Variants in GNAI2 observed in about 807,000 individuals in gnomAD.
GNAI2 encodes G protein subunit alpha i2.
In GNAI2, 4 loss-of-function variants were observed where a neutral mutation model predicts 36.8. That is an observed-to-expected ratio of 0.11 (90% confidence interval 0.05 to 0.25). The LOEUF (loss-of-function observed/expected upper bound fraction) is 0.25, where lower values mean the gene tolerates loss of function less well. Among genes scored for constraint, GNAI2 ranks in the 10% least tolerant of loss-of-function variants. The probability of loss-of-function intolerance (pLI) is 1.00; values close to 1 mark genes in which losing one functional copy is unlikely to be tolerated. For synonymous variants in GNAI2, 194 were observed against 194.1 expected (o/e 1.00, Z 0.01); for missense variants, 230 against 481.3 (o/e 0.48, Z 4.89).
chr3:50,233,039 G>A (rs1021862163), upstream of GNAI2, among the ~76,000 whole-genome samples: 4 of 151,886 alleles, frequency 2.6e-5, no homozygotes, highest in Non-Finnish European at 5.9e-5. Flanking sequence ...AAGAAGTCAG[G>A]CTGGAGAGGA....
upstream of GNAI2, chr3:50,236,023 C>G (rs186467474): frequency 0.043 from 10,169 of 236,888 alleles, 258 homozygotes; most frequent in Non-Finnish European, 0.055. This position sits in a 1 kb window ranked among gnomAD's most constrained non-coding sequence, Gnocchi z 4.0. Context: ...CAGCCCAGGC[C>G]CGAGCCTGGG....
chr3:50,252,134 G>A lies in GNAI2; in HGVS notation c.153G>A (p.Lys51=). ...AGESGKSTIV[K]QMKIIHEDGY... Reference sequence around the variant, plus strand: ...AGTCAGGGAAGAGCACCATCGTCAAGCAGATGAAGTAAGTGCTGTATTCCA... The same window carrying A: ...AGTCAGGGAAGAGCACCATCGTCAAACAGATGAAGTAAGTGCTGTATTCCA... Residue 51 remains lysine (K), a synonymous_variant, in exon 2 of 9, where the codon AAG becomes AAA. Transcript: ENST00000313601. The surrounding 1 kb of genome is among the most constrained non-coding windows in gnomAD (Gnocchi z 4.1). 1 of 1,613,876 alleles carries A rather than the reference G, an allele frequency of 6.2e-7. No individual in the cohort carries two copies. Among genetic ancestry groups the A allele is most frequent in the Non-Finnish European group, 8.5e-7 (1 of 1,179,854 alleles).
At chr3:50,233,075 G>C (rs1553699954), upstream of GNAI2, among the ~76,000 whole-genome samples, 1 of 151,974 alleles carries the variant, frequency 6.6e-6, no homozygotes, top group Admixed American at 6.6e-5. Context: ...AGCCCCCAGA[G>C]TGGGAGGTGT....
chr3:50,230,405 G>A (rs9883222), upstream of GNAI2: 32,190 of 152,252 alleles, frequency 0.21, 6,970 homozygotes, highest in East Asian at 0.6. Context: ...TCTGGGAGCC[G>A]TGGAGGTAGG....
At position 50,236,789 on chromosome 3, in the gene GNAI2, A is replaced by C. The variant is rs1372615044; in HGVS notation, c.118+336A>C. The stretch of plus-strand genomic sequence containing the variant: ...CGCCATCCTTCCCTACACTTTGCCC[A>C]AACCCCCAGGATGCCCGCCACTTGT... On this transcript the variant is annotated intron_variant, in intron 1 of 8. Transcript: ENST00000313601. This position sits in a 1 kb window ranked among gnomAD's most constrained non-coding sequence, Gnocchi z 4.0. 6.6e-6 allele frequency among the ~76,000 whole-genome samples: 1 copy of C among 151,906 alleles called. No homozygotes were observed. Among genetic ancestry groups the C allele is most frequent in the Non-Finnish European group, 1.5e-5 (1 of 67,970 alleles).
upstream of GNAI2, chr3:50,230,737 T>C (rs1427564098): frequency 1.1e-6 from 1 of 891,238 alleles, no homozygotes; most frequent in African/African-American, 1.8e-5. Flanking sequence ...CCCTCAACTC[T>C]GCTGATGTCA....
At chr3:50,229,107 C>T (rs747815412), upstream of GNAI2, 4 of 152,190 alleles carry the variant, frequency 2.6e-5, no homozygotes, top group African/African-American at 4.8e-5. Flanking sequence ...ACAGCCCTAA[C>T]GAGTCACGGG....
At position 50,236,868 on chromosome 3, in the gene GNAI2, T is replaced by C. The variant is rs1328131343; in HGVS notation, c.118+415T>C. Among the ~76,000 whole-genome samples, 12 of 152,150 alleles carry C rather than the reference T, an allele frequency of 7.9e-5. No individual in the cohort carries two copies. In the East Asian group the frequency reaches 2.3e-3, roughly 29 times the overall value. On this transcript the variant is annotated intron_variant, in intron 1 of 8. Transcript: ENST00000313601. The surrounding 1 kb of genome is among the most constrained non-coding windows in gnomAD (Gnocchi z 4.0). Reference sequence around the variant, plus strand: ...CCTCACCTGCGCCTTTTATTCCTATTGGGCATGAGCATCCCGCGGGGCCCC... The same window carrying C: ...CCTCACCTGCGCCTTTTATTCCTATCGGGCATGAGCATCCCGCGGGGCCCC...
intron 1 of GNAI2, among the ~76,000 whole-genome samples, chr3:50,248,714 T>C (rs1351096070): frequency 6.6e-6 from 1 of 152,176 alleles, no homozygotes; most frequent in Non-Finnish European, 1.5e-5. Context: ...GACCTTGATT[T>C]GCTTACCTGT....
intron 7 of GNAI2, 150 bp downstream of exon 7, chr3:50,257,240 A>G: frequency 1.5e-6 from 1 of 685,692 alleles, no homozygotes; most frequent in Non-Finnish European, 2.5e-6. Flanking sequence ...AGGCTTGTAT[A>G]GTTGTGTGTG....
Position 50,247,731 on chromosome 3 carries a change from G to A in GNAI2, c.119-4369G>A, listed in dbSNP as rs782731796. Among the ~76,000 whole-genome samples the A allele has an allele frequency of 4.6e-5, 7 of 152,368 alleles. No homozygotes were observed. In the East Asian group the frequency reaches 5.8e-4, roughly 13 times the overall value. Reference sequence around the variant, plus strand: ...CCTACCTGCTGTGGGCCCTAACTGCGCCACAGGGCAAAGGCTGCAGAGGTT... The same window carrying A: ...CCTACCTGCTGTGGGCCCTAACTGCACCACAGGGCAAAGGCTGCAGAGGTT... On this transcript the variant is annotated intron_variant, in intron 1 of 8. Transcript: ENST00000313601.
intron 1 of GNAI2, among the ~76,000 whole-genome samples, chr3:50,249,159 T>C (rs1700487912): frequency 6.6e-6 from 1 of 152,072 alleles, no homozygotes; most frequent in African/African-American, 2.4e-5. Context: ...CCCTGCTGAG[T>C]CTGAGCTCGC....
intron 4 of GNAI2, among the ~76,000 whole-genome samples, chr3:50,254,244 C>T (rs1461948036): frequency 6.6e-6 from 1 of 152,126 alleles, no homozygotes; most frequent in African/African-American, 2.4e-5. Flanking sequence ...GATAGACAGG[C>T]TAATAGCCAT....
intron 1 of GNAI2, chr3:50,239,558 C>G (rs1292144141): frequency 6.6e-6 from 1 of 152,230 alleles, no homozygotes; most frequent in Non-Finnish European, 1.5e-5. Flanking sequence ...TCCTCTGAAC[C>G]TGATTTTGGG....
At chr3:50,236,088 C>T (rs1336511002), upstream of GNAI2, 3 of 730,166 alleles carry the variant, frequency 4.1e-6, no homozygotes, top group African/African-American at 1.9e-5. The surrounding 1 kb of genome is among the most constrained non-coding windows in gnomAD (Gnocchi z 4.0). Context: ...AGCCTCTAAT[C>T]TCCTCTGGCC....
chr3:50,227,098 G>A, upstream of GNAI2: 2 of 1,334,158 alleles, frequency 1.5e-6, no homozygotes, highest in East Asian at 3.0e-5. This position sits in a 1 kb window ranked among gnomAD's most constrained non-coding sequence, Gnocchi z 5.9. Context: ...CTGTGAAGTG[G>A]AAGCGCGAGA....
At position 50,252,988 on chromosome 3, in the gene GNAI2, T is replaced by C. The variant is rs782613919; in HGVS notation, c.304-36T>C. 1 of 1,546,972 alleles carries C rather than the reference T, an allele frequency of 6.5e-7. No homozygotes were observed. Among genetic ancestry groups the C allele is most frequent in the Admixed American group, 1.8e-5 (1 of 56,988 alleles). ...TGCCTCTGGCAGAGTGGGGGTACAT[T>C]CCTTCAACTGCCTGACCACCCGCCA... On this transcript the variant is annotated intron_variant, in intron 3 of 8. Coordinates refer to ENST00000313601, the MANE Select transcript of GNAI2 (RefSeq NM_002070.4). The surrounding 1 kb of genome is among the most constrained non-coding windows in gnomAD (Gnocchi z 4.1).
At position 50,252,048 on chromosome 3, in the gene GNAI2, C is replaced by G; in HGVS notation, c.119-52C>G. ...AGGTGTCTGGGCATTTGTTCTGTGC[C>G]TGTGGAGCCCCTCTGGGCCTGCCCC... On this transcript the variant is annotated intron_variant, in intron 1 of 8. Coordinates refer to ENST00000313601, the MANE Select transcript of GNAI2 (RefSeq NM_002070.4). The surrounding 1 kb of genome is among the most constrained non-coding windows in gnomAD (Gnocchi z 4.1). 2 of 1,567,858 alleles carry G rather than the reference C, an allele frequency of 1.3e-6. No homozygotes were observed. The highest frequency in any genetic ancestry group is 3.4e-5 in the Admixed American group (2 of 59,568).
chr3:50,246,638 C>A (rs587708408), intron 1 of GNAI2, among the ~76,000 whole-genome samples: 3 of 152,346 alleles, frequency 2.0e-5, no homozygotes, highest in Non-Finnish European at 4.4e-5. Flanking sequence ...TGGTCCCAGC[C>A]GCTGCTGCTT....
Sources: gnomAD v4.1 joint callset for allele counts (sites outside exome capture counted in the v4.1 genomes callset) on GRCh38, gnomAD v4.1.1 for gene constraint, Gnocchi (gnomAD v3.1) non-coding constraint, MANE v1.5 for transcripts, NCBI Gene and HGNC (gene_info 2026-07-23, HGNC 2026-07-21) for gene names.